The following TOP6BL variants were observed in gnomAD, a reference collection of about 807,000 sequenced individuals.
The protein encoded by TOP6BL is TOP6B like initiator of meiotic double strand breaks.
At chr11:66,784,268 C>T in the TOP6BL span, among the ~76,000 whole-genome samples, 3 of 152,082 alleles carry the variant, frequency 2.0e-5, no homozygotes, top group Non-Finnish European at 4.4e-5. Flanking sequence ...CTCCTGACCT[C>T]GTGATTCGCC....
the TOP6BL span, among the ~76,000 whole-genome samples, chr11:66,841,165 G>A: frequency 7.9e-6 from 1 of 127,382 alleles, no homozygotes; most frequent in African/African-American, 3.1e-5. Flanking sequence ...TGCCCAGACT[G>A]GAGTGCAGTG....
the TOP6BL span, among the ~76,000 whole-genome samples, chr11:66,793,710 T>A: frequency 6.6e-6 from 1 of 152,048 alleles, no homozygotes; most frequent in Non-Finnish European, 1.5e-5. Flanking sequence ...CCTCCCAAAG[T>A]GCTGGGATTA....
chr11:66,748,616 C>G, the TOP6BL span: 1 of 935,490 alleles, frequency 1.1e-6, no homozygotes, highest in Non-Finnish European at 1.5e-6. Flanking sequence ...CATGTTATTC[C>G]AGGATTGTTC....
the TOP6BL span, chr11:66,771,169 C>CTTTTTTTT: frequency 7.2e-6 from 1 of 139,214 alleles, no homozygotes. Flanking sequence ...TTCTTTTTTT[C>CTTTTTTTT]TTTTTTTTTT....
the TOP6BL span, among the ~76,000 whole-genome samples, chr11:66,829,253 G>T: frequency 6.6e-6 from 1 of 150,632 alleles, no homozygotes; most frequent in Non-Finnish European, 1.5e-5. Context: ...GCATGTGGTG[G>T]CACATGCCTG....
the TOP6BL span, among the ~76,000 whole-genome samples, chr11:66,800,272 A>G: frequency 5.9e-5 from 9 of 152,158 alleles, no homozygotes; most frequent in Non-Finnish European, 1.2e-4. Context: ...TAAAGTGTAC[A>G]AAGTTTCAGT....
the TOP6BL span, chr11:66,759,073 T>A: frequency 6.4e-7 from 1 of 1,568,264 alleles, no homozygotes; most frequent in Admixed American, 1.7e-5. Context: ...TTTGGTGGCA[T>A]GGTCCTCAAG....
the TOP6BL span, among the ~76,000 whole-genome samples, chr11:66,833,496 C>T: frequency 6.6e-6 from 1 of 152,216 alleles, no homozygotes; most frequent in South Asian, 2.1e-4. Flanking sequence ...TACAGCCATC[C>T]ACATCTTCAG....
chr11:66,767,887 C>T, the TOP6BL span, among the ~76,000 whole-genome samples: 1 of 152,144 alleles, frequency 6.6e-6, no homozygotes, highest in Non-Finnish European at 1.5e-5. Context: ...ACCTCTTGGG[C>T]TCAAGGGATC....
the TOP6BL span, among the ~76,000 whole-genome samples, chr11:66,812,269 C>T: frequency 6.7e-5 from 10 of 148,562 alleles, no homozygotes; most frequent in Admixed American, 3.4e-4. Context: ...CTCTGCCTCC[C>T]GGGTTCACGC....
the TOP6BL span, chr11:66,843,453 G>A: frequency 7.1e-7 from 1 of 1,404,516 alleles, no homozygotes; most frequent in South Asian, 1.6e-5. Flanking sequence ...GGGTCAGGGC[G>A]CAATGGCGGC....
At chr11:66,800,596 A>T in the TOP6BL span, 1 of 1,485,088 alleles carries the variant, frequency 6.7e-7, no homozygotes, top group Non-Finnish European at 9.2e-7. Flanking sequence ...TTTAATCTGT[A>T]TCTTGGCTCA....
the TOP6BL span, chr11:66,843,441 G>C: frequency 7.2e-7 from 1 of 1,382,316 alleles, no homozygotes. Flanking sequence ...GGTGCGCGCC[G>C]CGGGTCAGGG....
the TOP6BL span, among the ~76,000 whole-genome samples, chr11:66,754,744 G>A: frequency 1.3e-5 from 2 of 152,146 alleles, no homozygotes; most frequent in African/African-American, 4.8e-5. Flanking sequence ...GGGTATCTCA[G>A]CATTCAGGGG....
chr11:66,789,747 A>T, the TOP6BL span, among the ~76,000 whole-genome samples: 1 of 152,226 alleles, frequency 6.6e-6, no homozygotes, highest in African/African-American at 2.4e-5. Context: ...TGAAGTGGGT[A>T]GGATGAGGAT....
the TOP6BL span, among the ~76,000 whole-genome samples, chr11:66,745,756 C>T: frequency 6.6e-6 from 1 of 152,232 alleles, no homozygotes; most frequent in Non-Finnish European, 1.5e-5. Flanking sequence ...GTTCTTTTCC[C>T]AACTGCGCTG....
the TOP6BL span, among the ~76,000 whole-genome samples, chr11:66,783,991 A>G: frequency 6.6e-6 from 1 of 151,686 alleles, no homozygotes; most frequent in Admixed American, 6.6e-5. Context: ...ACACCTAGTT[A>G]ATTTTTTTGT....
At chr11:66,794,249 T>C in the TOP6BL span, among the ~76,000 whole-genome samples, 3 of 152,032 alleles carry the variant, frequency 2.0e-5, no homozygotes, top group African/African-American at 4.8e-5. Context: ...TTTTAACATA[T>C]ACCTAGTACA....
chr11:66,756,780 C>T, the TOP6BL span, among the ~76,000 whole-genome samples: 23 of 152,188 alleles, frequency 1.5e-4, no homozygotes, highest in South Asian at 2.7e-3. Flanking sequence ...GGTGCCATCA[C>T]GGCTCACTAC....
Sources: gnomAD v4.1 joint callset for allele counts (sites outside exome capture counted in the v4.1 genomes callset) on GRCh38, gnomAD v4.1.1 for gene constraint, MANE v1.5 for transcripts, NCBI Gene and HGNC (gene_info 2026-07-23, HGNC 2026-07-21) for gene names.